Variants in FAM135A observed in about 807,000 individuals in gnomAD.
FAM135A encodes family with sequence similarity 135 member A, also known as protein FAM135A.
Under a neutral mutation model 146.8 loss-of-function variants are expected in FAM135A, and 79 were observed. The ratio of observed to expected loss-of-function variants is 0.54; its 90% CI spans 0.45 to 0.65. FAM135A has a LOEUF of 0.65. FAM135A is among the 30% of genes least tolerant of loss of function. The probability of loss-of-function intolerance (pLI) is 0.00; values close to 1 mark genes in which losing one functional copy is unlikely to be tolerated. For missense variants in FAM135A, 1,623 were observed against 1,758.2 expected, an observed-to-expected ratio of 0.92 and a Z score of 1.38; for synonymous variants, 562 against 603.6, an observed-to-expected ratio of 0.93 and a Z score of 1.01.
At chr6:70,488,666 C>T (rs142787071) in intron 10 of FAM135A, among the ~76,000 whole-genome samples, 1 of 152,068 alleles carries the variant, frequency 6.6e-6, no homozygotes, top group African/African-American at 2.4e-5. Context: ...TTACAGATAA[C>T]ATAAACAGTT....
At chr6:70,533,110 T>C in intron 16 of FAM135A, 50 bp from the exon 17 acceptor site, 1 of 1,443,274 alleles carries the variant, frequency 6.9e-7, no homozygotes. Flanking sequence ...TGGTGTACTT[T>C]CTACCTTTTA....
chr6:70,530,473 A>G (rs1334467699), intron 16 of FAM135A, among the ~76,000 whole-genome samples: 2 of 152,232 alleles, frequency 1.3e-5, no homozygotes, highest in Non-Finnish European at 2.9e-5. Flanking sequence ...AGGTAAAATA[A>G]AAATTCAGCA....
At chr6:70,544,197 C>T (rs928246460) in intron 20 of FAM135A, among the ~76,000 whole-genome samples, 2 of 152,070 alleles carry the variant, frequency 1.3e-5, no homozygotes, top group Non-Finnish European at 2.9e-5. Context: ...GTAATCTCTC[C>T]AGTTTGGGAG....
At chr6:70,442,510 C>T (rs753215692) in intron 4 of FAM135A, among the ~76,000 whole-genome samples, 78 of 152,064 alleles carry the variant, frequency 5.1e-4, no homozygotes, top group Non-Finnish European at 1.1e-3. Flanking sequence ...CTCTCCTCAT[C>T]CCATAGGTAA....
rs760887374 is a variant in FAM135A, at chr6:70,525,320, G to T, written c.2236G>T (p.Val746Phe). ...LPAPSTKEYHVVVSGDTIKLP... is the reference protein window; with the variant it reads ...LPAPSTKEYHFVVSGDTIKLP... ...TGCCCCTTCTACAAAAGAATATCAT[G>T]TTGTAGTAAGTGGAGATACAATTAA... The change falls in exon 15 of 22, where the codon GTT becomes TTT. Residue 746 changes from valine (V) to phenylalanine (F), a missense_variant. Around this residue, in one of 7 missense-constraint regions of FAM135A, gnomAD observed 1,061 missense variants for 1,113.8 expected, o/e 0.95. Transcript: ENST00000418814. The T allele has an allele frequency of 1.2e-6, 2 of 1,611,936 alleles. No homozygotes were observed. The highest frequency in any genetic ancestry group is 1.7e-5 in the Admixed American group (1 of 59,692).
intron 2 of FAM135A, among the ~76,000 whole-genome samples, chr6:70,425,032 T>G (rs1769732956): frequency 6.6e-6 from 1 of 151,072 alleles, no homozygotes; most frequent in African/African-American, 2.4e-5. Flanking sequence ...GGGTGCTATC[T>G]GGACCCAAAT....
intron 12 of FAM135A, among the ~76,000 whole-genome samples, chr6:70,519,536 GC>G (rs1793070882): frequency 6.6e-6 from 1 of 152,214 alleles, no homozygotes; most frequent in South Asian, 2.1e-4. Context: ...GTCAATTGAT[GC>G]AGCAAACTTC....
intron 16 of FAM135A, among the ~76,000 whole-genome samples, chr6:70,531,359 A>G (rs952723247): frequency 6.6e-6 from 1 of 152,222 alleles, no homozygotes; most frequent in Non-Finnish European, 1.5e-5. Context: ...TCAAGATGAT[A>G]CTGGTAAAGC....
intron 5 of FAM135A, 52 bp downstream of exon 5, chr6:70,452,623 C>A (rs1313009020): frequency 3.6e-6 from 5 of 1,375,512 alleles, no homozygotes; most frequent in Admixed American, 2.6e-5. Flanking sequence ...TGGTCAATAA[C>A]TTTTAATAAA....
intron 2 of FAM135A, among the ~76,000 whole-genome samples, chr6:70,426,194 GTACTC>G (rs1180197372): frequency 6.6e-6 from 1 of 151,886 alleles, no homozygotes; most frequent in East Asian, 1.9e-4. Flanking sequence ...AACTAAGAAA[GTACTC>G]TATTTGTTAT....
At chr6:70,444,598 A>G (rs1369794606) in intron 4 of FAM135A, among the ~76,000 whole-genome samples, 1 of 152,154 alleles carries the variant, frequency 6.6e-6, no homozygotes, top group African/African-American at 2.4e-5. Context: ...AAATTTATTT[A>G]TCTAAAAAAT....
chr6:70,496,525 T>A (rs1562521777), intron 11 of FAM135A, among the ~76,000 whole-genome samples: 1 of 152,204 alleles, frequency 6.6e-6, no homozygotes, highest in Non-Finnish European at 1.5e-5. Flanking sequence ...ATTTGTCAAT[T>A]TTGGCTTTTG....
intron 12 of FAM135A, among the ~76,000 whole-genome samples, chr6:70,506,794 T>G (rs1008603068): frequency 1.4e-4 from 21 of 151,522 alleles, no homozygotes; most frequent in African/African-American, 4.8e-4. Context: ...AGACAGGGTA[T>G]TTTTTTAAAA....
chr6:70,516,447 C>CT (rs1351838525), intron 12 of FAM135A, among the ~76,000 whole-genome samples: 2 of 151,784 alleles, frequency 1.3e-5, no homozygotes, highest in Non-Finnish European at 2.9e-5. Context: ...GACCCATTAC[C>CT]TTCCAGTAAG....
At chr6:70,462,895 G>A (rs945808623) in intron 5 of FAM135A, among the ~76,000 whole-genome samples, 1 of 152,154 alleles carries the variant, frequency 6.6e-6, no homozygotes, top group African/African-American at 2.4e-5. Flanking sequence ...TTGGAATAAA[G>A]CTTCAAATAT....
intron 5 of FAM135A, among the ~76,000 whole-genome samples, chr6:70,462,324 C>T (rs1306755317): frequency 6.6e-6 from 1 of 152,108 alleles, no homozygotes; most frequent in Non-Finnish European, 1.5e-5. Flanking sequence ...ACAGCTGTGG[C>T]ATTTGATTTC....
intron 18 of FAM135A, among the ~76,000 whole-genome samples, chr6:70,534,312 C>CTTTTTTTTTTTTTTTTTTTTTTTT (rs1179072858): frequency 4.5e-5 from 4 of 89,802 alleles, no homozygotes; most frequent in African/African-American, 1.9e-4. Context: ...AGTTTGTATA[C>CTTTTTTTTTTTTTTTTTTTTTTTT]TTTTTTTTTT....
intron 21 of FAM135A, among the ~76,000 whole-genome samples, chr6:70,558,207 G>A (rs1333537779): frequency 1.3e-5 from 2 of 152,164 alleles, no homozygotes; most frequent in African/African-American, 4.8e-5. Flanking sequence ...TTTTTGATGA[G>A]TATGTATTAA....
chr6:70,458,540 A>G (rs750218401), intron 5 of FAM135A, among the ~76,000 whole-genome samples: 15 of 152,182 alleles, frequency 9.9e-5, no homozygotes, highest in Non-Finnish European at 1.8e-4. Context: ...CCTTGTATGT[A>G]TAGGTAACAA....
Sources: gnomAD v4.1 joint callset for allele counts (sites outside exome capture counted in the v4.1 genomes callset) on GRCh38, gnomAD v4.1.1 for gene constraint, gnomAD v4.1.1 regional missense constraint, MANE v1.5 for transcripts, NCBI Gene and HGNC (gene_info 2026-07-23, HGNC 2026-07-21) for gene names.